The following AGBL4 variants were observed in gnomAD, a reference collection of about 807,000 sequenced individuals.
AGBL4 encodes the protein cytosolic carboxypeptidase 6.
Under a neutral mutation model 66.4 loss-of-function variants are expected in AGBL4, and 58 were observed. The observed-to-expected ratio is 0.87, with a 90% CI of 0.71 to 1.09. The LOEUF (loss-of-function observed/expected upper bound fraction) is 1.09, where lower values mean the gene tolerates loss of function less well. Among genes scored for constraint, AGBL4 ranks in the 50% least tolerant of loss-of-function variants. The probability of loss-of-function intolerance (pLI) is 0.00; values close to 1 mark genes in which losing one functional copy is unlikely to be tolerated. For synonymous variants in AGBL4, 234 were observed against 222.9 expected, an observed-to-expected ratio of 1.05 and a Z score of -0.44; for missense variants, 579 against 631.0, an observed-to-expected ratio of 0.92 and a Z score of 0.88.
chr1:49,173,923 C>G (rs1200459636), intron 4 of AGBL4, among the ~76,000 whole-genome samples: 1 of 152,116 alleles, frequency 6.6e-6, no homozygotes, highest in African/African-American at 2.4e-5. Flanking sequence ...ATAGAGTGAT[C>G]AACTGCTGCT....
chr1:48,756,286 C>T (rs1643921149), intron 6 of AGBL4, among the ~76,000 whole-genome samples: 1 of 152,176 alleles, frequency 6.6e-6, no homozygotes, highest in Non-Finnish European at 1.5e-5. Flanking sequence ...GGAAGCCTTC[C>T]TTCTCTGACC....
chr1:49,934,521 G>A (rs766091691), intron 1 of AGBL4, among the ~76,000 whole-genome samples: 2 of 152,200 alleles, frequency 1.3e-5, no homozygotes, highest in Non-Finnish European at 1.5e-5. Context: ...AAAGATTCAC[G>A]ATTACAGAAA....
chr1:49,558,592 G>A (rs2148849852), intron 3 of AGBL4, among the ~76,000 whole-genome samples: 2 of 152,192 alleles, frequency 1.3e-5, no homozygotes, highest in South Asian at 2.1e-4. Flanking sequence ...GCCTGCTTTG[G>A]CCTCCCAAAG....
intron 5 of AGBL4, among the ~76,000 whole-genome samples, chr1:48,942,583 A>T (rs112221792): frequency 2.2e-4 from 34 of 152,340 alleles, no homozygotes; most frequent in African/African-American, 7.7e-4. Context: ...CATATTCCTA[A>T]GTCTTCCACT....
At chr1:48,837,366 G>A (rs370148902) in intron 6 of AGBL4, among the ~76,000 whole-genome samples, 1 of 151,964 alleles carries the variant, frequency 6.6e-6, no homozygotes, top group South Asian at 2.1e-4. Flanking sequence ...GATTCTGGGT[G>A]TGTCCAAAGG....
At chr1:49,161,211 C>T (rs1646534737) in intron 4 of AGBL4, among the ~76,000 whole-genome samples, 1 of 152,192 alleles carries the variant, frequency 6.6e-6, no homozygotes, top group South Asian at 2.1e-4. Context: ...CCTGGTCTGC[C>T]AGTTGCAAAG....
intron 4 of AGBL4, among the ~76,000 whole-genome samples, chr1:49,137,602 C>A (rs945430696): frequency 6.6e-6 from 1 of 152,070 alleles, no homozygotes; most frequent in Non-Finnish European, 1.5e-5. Flanking sequence ...AAACCTGGTT[C>A]TTTATTCTTA....
chr1:49,579,709 C>T (rs1374001498), intron 3 of AGBL4, among the ~76,000 whole-genome samples: 8 of 152,250 alleles, frequency 5.3e-5, no homozygotes, highest in Admixed American at 4.6e-4. Flanking sequence ...CCGTGTTGGC[C>T]AGGATGGTCT....
chr1:48,945,342 T>C lies in AGBL4; in HGVS notation c.595-78112A>G, dbSNP rs78765249. On this transcript the variant is annotated intron_variant, in intron 5 of 13. Transcript: ENST00000371839. Reference sequence around the variant, plus strand: ...GTTTGGAAATAGCAGGACCAGGATCTAAACCCAACATTCTATCCCACAACA... The same window carrying C: ...GTTTGGAAATAGCAGGACCAGGATCCAAACCCAACATTCTATCCCACAACA... 1.4e-3 allele frequency among the ~76,000 whole-genome samples: 207 copies of C among 152,222 alleles called. 9 individuals are homozygous for C. The East Asian group carries it at 0.038, about 28-fold the overall frequency.
At chr1:49,727,867 A>C (rs921622175) in intron 2 of AGBL4, among the ~76,000 whole-genome samples, 3 of 151,988 alleles carry the variant, frequency 2.0e-5, no homozygotes, top group Non-Finnish European at 4.4e-5. Flanking sequence ...ATTATGACTT[A>C]TTATTATTAT....
At chr1:48,656,493 C>T (rs1646022415) in intron 7 of AGBL4, among the ~76,000 whole-genome samples, 1 of 152,144 alleles carries the variant, frequency 6.6e-6, no homozygotes, top group African/African-American at 2.4e-5. Flanking sequence ...AGTAAGGAAG[C>T]AAGTCCCCAC....
At chr1:48,817,710 C>T (rs1646214536) in intron 6 of AGBL4, 1 of 261,282 alleles carries the variant, frequency 3.8e-6, no homozygotes, top group African/African-American at 2.2e-5. Flanking sequence ...GCTGCCCCCA[C>T]CTGTCTGGAG....
At chr1:49,758,279 G>A (rs1190261243) in intron 2 of AGBL4, among the ~76,000 whole-genome samples, 2 of 152,196 alleles carry the variant, frequency 1.3e-5, no homozygotes, top group South Asian at 2.1e-4. Flanking sequence ...TGTGGGTAGG[G>A]AGAGCTCTCA....
intron 2 of AGBL4, among the ~76,000 whole-genome samples, chr1:49,741,896 T>C (rs546905952): frequency 6.6e-6 from 1 of 152,064 alleles, no homozygotes; most frequent in Non-Finnish European, 1.5e-5. Flanking sequence ...TGATGGGACG[T>C]ATCTCAAAAT....
rs1432482379 is a variant in AGBL4, at chr1:49,597,665, G to A, written c.282+99648C>T. On this transcript the variant is annotated intron_variant, in intron 3 of 13. Coordinates refer to ENST00000371839, the MANE Select transcript of AGBL4 (RefSeq NM_032785.4). ...TTGCCAGCAGCTATACAGAAGGAAA[G>A]ACAAAAGAGTGGCATTACCTGTCCT... 2.0e-5 allele frequency among the ~76,000 whole-genome samples: 3 copies of A among 152,290 alleles called. No individual in the cohort carries two copies. The East Asian group carries it at 5.8e-4, about 29-fold the overall frequency.
At chr1:48,693,889 G>A (rs1368386275) in intron 6 of AGBL4, among the ~76,000 whole-genome samples, 1 of 152,000 alleles carries the variant, frequency 6.6e-6, no homozygotes, top group African/African-American at 2.4e-5. Context: ...GGGCTCCAGG[G>A]GGCCACGGAA....
At chr1:48,633,460 C>A (rs1252492852) in intron 9 of AGBL4, among the ~76,000 whole-genome samples, 1 of 152,184 alleles carries the variant, frequency 6.6e-6, no homozygotes, top group Non-Finnish European at 1.5e-5. Context: ...GTCATAAAAT[C>A]AGTCATTGAA....
intron 11 of AGBL4, chr1:48,584,673 GCCACTACA>G (rs2148336516): frequency 6.6e-6 from 1 of 152,526 alleles, no homozygotes; most frequent in South Asian, 2.1e-4. Flanking sequence ...CTGAGATCAT[GCCACTACA>G]CTCTAGCCTG....
At chr1:49,655,313 G>A (rs181201943) in intron 3 of AGBL4, among the ~76,000 whole-genome samples, 7 of 152,290 alleles carry the variant, frequency 4.6e-5, no homozygotes, top group African/African-American at 1.7e-4. Flanking sequence ...TCAGCTGTTA[G>A]TCTGATGGGC....
Sources: gnomAD v4.1 joint callset for allele counts (sites outside exome capture counted in the v4.1 genomes callset) on GRCh38, gnomAD v4.1.1 for gene constraint, MANE v1.5 for transcripts, NCBI Gene and HGNC (gene_info 2026-07-23, HGNC 2026-07-21) for gene names.